Variants in FAT4 observed in about 807,000 individuals in gnomAD.
FAT4 encodes protocadherin Fat 4.
FAT4 carries 84 observed loss-of-function variants against 303.9 expected under a neutral mutation model. That is an observed-to-expected ratio of 0.28 (90% CI 0.23 to 0.33). FAT4 has a LOEUF of 0.33. FAT4 is among the 10% of genes least tolerant of loss of function. The probability of loss-of-function intolerance (pLI) is 1.00; values close to 1 mark genes in which losing one functional copy is unlikely to be tolerated. For missense variants in FAT4, 6,005 were observed against 6,146.8 expected (o/e 0.98, Z 0.77); for synonymous variants, 2,307 against 2,298.8 (o/e 1.00, Z -0.10).
At chr4:125,375,651 A>G (rs1025378544) in intron 2 of FAT4, among the ~76,000 whole-genome samples, 1 of 152,220 alleles carries the variant, frequency 6.6e-6, no homozygotes, top group Non-Finnish European at 1.5e-5. Context: ...TCTTTATCAC[A>G]AACACGTCTT....
chr4:125,484,951 C>G (rs1196256634), intron 16 of FAT4, among the ~76,000 whole-genome samples: 1 of 151,912 alleles, frequency 6.6e-6, no homozygotes, highest in African/African-American at 2.4e-5. Flanking sequence ...CTCCTGGGCT[C>G]AATGTATCCT....
chr4:125,477,344 T>A lies in FAT4; in HGVS notation c.12479+10T>A, dbSNP rs1282807773. The A allele has an allele frequency of 1.3e-6, 2 of 1,537,424 alleles. No homozygotes were observed. Among genetic ancestry groups the A allele is most frequent in the East Asian group, 4.8e-5 (2 of 41,552 alleles). ...AAGGCATCCTAGATCAGTATGGCGA[T>A]TTTATTTCTTACTGTTTTAAAGAAA... On this transcript the variant is annotated intron_variant, in intron 14 of 17. Coordinates refer to ENST00000394329, the MANE Select transcript of FAT4 (RefSeq NM_001291303.3).
intron 3 of FAT4, among the ~76,000 whole-genome samples, chr4:125,403,429 C>T (rs1447600300): frequency 6.6e-6 from 1 of 152,060 alleles, no homozygotes; most frequent in South Asian, 2.1e-4. Context: ...TCTCTTCCTT[C>T]TTCTTCTGCC....
chr4:125,368,092 G>C (rs1159099370), intron 2 of FAT4, among the ~76,000 whole-genome samples: 1 of 152,074 alleles, frequency 6.6e-6, no homozygotes, highest in Non-Finnish European at 1.5e-5. Context: ...GGAGCCATAT[G>C]AAGTACTAAG....
chr4:125,365,938 G>C (rs890550190), intron 2 of FAT4, among the ~76,000 whole-genome samples: 1 of 152,080 alleles, frequency 6.6e-6, no homozygotes, highest in Non-Finnish European at 1.5e-5. Flanking sequence ...TGAGCGGCAG[G>C]CTAACGAGCA....
At chr4:125,427,571 T>C (rs1394446605) in intron 7 of FAT4, among the ~76,000 whole-genome samples, 3 of 151,476 alleles carry the variant, frequency 2.0e-5, no homozygotes, top group Admixed American at 2.0e-4. Flanking sequence ...TTTTATGTAT[T>C]TTTTGTATTC....
chr4:125,332,906 C>T (rs911301326), intron 2 of FAT4, among the ~76,000 whole-genome samples: 7 of 151,882 alleles, frequency 4.6e-5, no homozygotes, highest in African/African-American at 1.7e-4. Context: ...TAAGCAAATA[C>T]ACAAAGAAGA....
intron 5 of FAT4, among the ~76,000 whole-genome samples, chr4:125,412,325 G>A (rs537601411): frequency 1.3e-5 from 2 of 151,818 alleles, no homozygotes; most frequent in South Asian, 4.2e-4. Context: ...TGTAATTGCA[G>A]CAATTAATTT....
At chr4:125,473,754 A>G (rs2126080957) in intron 12 of FAT4, among the ~76,000 whole-genome samples, 1 of 150,002 alleles carries the variant, frequency 6.7e-6, no homozygotes, top group East Asian at 2.0e-4. Context: ...CTATCAGACA[A>G]GGACATGGGA....
chr4:125,423,276 T>C (rs1281281461), intron 7 of FAT4, among the ~76,000 whole-genome samples: 1 of 143,712 alleles, frequency 7.0e-6, no homozygotes, highest in Non-Finnish European at 1.6e-5. Context: ...GCCTCTCCCA[T>C]CACAGGCCTG....
chr4:125,354,564 G>A (rs1007959583), intron 2 of FAT4, among the ~76,000 whole-genome samples: 2 of 151,686 alleles, frequency 1.3e-5, no homozygotes, highest in Non-Finnish European at 3.0e-5. Context: ...CAATGATAGG[G>A]TTTGCTTTTC....
In FAT4 at chr4:125,457,623, A is replaced by C. The variant is rs1295041629; in HGVS notation, c.11800+4813A>C. 2.0e-5 allele frequency among the ~76,000 whole-genome samples: 3 copies of C among 151,994 alleles called. No homozygotes were observed. The East Asian group carries it at 5.8e-4, about 29-fold the overall frequency. ...TCATTATTAAGAAAATTTTCTTATAATTTTTATATTAATATCACCATATGA... is the reference window on the plus strand; with the variant it reads ...TCATTATTAAGAAAATTTTCTTATACTTTTTATATTAATATCACCATATGA... On this transcript the variant is annotated intron_variant, in intron 10 of 17. Transcript: ENST00000394329.
At chr4:125,447,732 C>G (rs1725874002) in intron 9 of FAT4, among the ~76,000 whole-genome samples, 1 of 152,076 alleles carries the variant, frequency 6.6e-6, no homozygotes, top group South Asian at 2.1e-4. Flanking sequence ...AGCTTTTCTG[C>G]ATATTTTTAC....
intron 2 of FAT4, among the ~76,000 whole-genome samples, chr4:125,359,178 A>G (rs1006728497): frequency 6.6e-6 from 1 of 152,106 alleles, no homozygotes; most frequent in Admixed American, 6.6e-5. Context: ...CAATTATTCT[A>G]TGATATAGAT....
chr4:125,319,920 G>C lies in FAT4; in HGVS notation c.3509G>C (p.Arg1170Thr), dbSNP rs758712752. The C allele has an allele frequency of 3.6e-5, 58 of 1,613,832 alleles. No individual in the cohort carries two copies. The highest frequency in any genetic ancestry group is 4.7e-5 in the Non-Finnish European group (56 of 1,180,030). Residue 1170 changes from arginine to threonine, a missense_variant, in exon 2 of 18, where the codon AGA becomes ACA. Coordinates refer to ENST00000394329, the MANE Select transcript of FAT4 (RefSeq NM_001291303.3). ...GACAGGGAGTCTCTTATGAGGCGGAGAGGGACTGCTGTGTTTAGCTTTACA... is the reference window on the plus strand; with the variant it reads ...GACAGGGAGTCTCTTATGAGGCGGACAGGGACTGCTGTGTTTAGCTTTACA... ...QFDRESLMRR[R>T]GTAVFSFTVI...
In FAT4 at chr4:125,316,863, G is replaced by T; in HGVS notation, c.452G>T (p.Gly151Val). 6.2e-7 allele frequency: 1 copy of T among 1,614,064 alleles called. No homozygotes were observed. The highest frequency in any genetic ancestry group is 8.5e-7 in the Non-Finnish European group (1 of 1,180,024). Reference protein sequence around the residue: ...VVTFKEDSSSGRQVILDTATD... With the variant: ...VVTFKEDSSSVRQVILDTATD... ...ACTTTCAAGGAAGACAGTAGCAGCG[G>T]ACGCCAAGTCATCTTAGACACCGCC... Residue 151 changes from glycine to valine, a missense_variant, in exon 2 of 18, where the codon GGA becomes GTA. Physicochemically the swap from Gly to Val is moderately radical, Grantham distance 109 (BLOSUM62 -3). Coordinates refer to ENST00000394329, the MANE Select transcript of FAT4 (RefSeq NM_001291303.3). This position sits in a 1 kb window ranked among gnomAD's most constrained non-coding sequence, Gnocchi z 5.7.
In FAT4 at chr4:125,349,127, C is replaced by G. The variant is rs1732121455; in HGVS notation, c.5175+27541C>G. Among the ~76,000 whole-genome samples the G allele has an allele frequency of 2.6e-5, 4 of 151,518 alleles. No homozygotes were observed. The South Asian group carries it at 8.3e-4, about 31-fold the overall frequency. ...AATATGAAAATTAGGACTCTTAAGT[C>G]TATGGAAGAAAATATAAAAGGCATT... On this transcript the variant is annotated intron_variant, in intron 2 of 17. Coordinates refer to ENST00000394329, the MANE Select transcript of FAT4 (RefSeq NM_001291303.3).
rs1160580323 is a variant in FAT4, at chr4:125,448,722, C to A, written c.7712C>A (p.Ala2571Asp). The A allele has an allele frequency of 1.9e-6, 3 of 1,613,730 alleles. No homozygotes were observed. In the South Asian group the frequency reaches 3.3e-5, roughly 18 times the overall value. Residue 2571 changes from alanine to aspartate, a missense_variant, in exon 10 of 18, where the codon GCC (alanine) becomes GAC (aspartate). Coordinates refer to ENST00000394329, the MANE Select transcript of FAT4 (RefSeq NM_001291303.3). The part of the protein sequence containing the change: ...VNKADFPKVR[A>D]KEQTFMFPEN... ...AAGGCCGATTTCCCTAAAGTGAGAGCCAAAGAACAAACGTTCATGTTTCCT... is the reference window on the plus strand; with the variant it reads ...AAGGCCGATTTCCCTAAAGTGAGAGACAAAGAACAAACGTTCATGTTTCCT...
intron 3 of FAT4, among the ~76,000 whole-genome samples, chr4:125,402,009 TAG>T (rs1273620167): frequency 3.9e-5 from 6 of 151,944 alleles, no homozygotes; most frequent in Non-Finnish European, 1.5e-5. Context: ...ATTTAGTAAA[TAG>T]ACTTTTCAAA....
Sources: allele counts gnomAD v4.1 joint callset (sites outside exome capture counted in the v4.1 genomes callset), GRCh38; gene constraint gnomAD v4.1.1; non-coding constraint Gnocchi (gnomAD v3.1); transcripts MANE v1.5; gene names NCBI Gene and HGNC (gene_info 2026-07-23, HGNC 2026-07-21).